The following DHX40 variants were observed in gnomAD, a reference collection of about 807,000 sequenced individuals.
DHX40 encodes the protein DEAH-box helicase 40, also known as probable ATP-dependent RNA helicase DHX40.
A neutral mutation model predicts 89.6 loss-of-function variants in DHX40; 28 were observed. The ratio of observed to expected loss-of-function variants is 0.31; its 90% CI spans 0.23 to 0.43. The LOEUF (loss-of-function observed/expected upper bound fraction) is 0.43, where lower values mean the gene tolerates loss of function less well. Ranked by LOEUF, DHX40 falls within the 20% of genes least tolerant of loss-of-function variation. The pLI, the probability that DHX40 is intolerant of heterozygous loss-of-function variation, is 1.00. For synonymous variants in DHX40, 226 were observed against 283.6 expected (o/e 0.80, Z 2.04); for missense variants, 457 against 844.0 (o/e 0.54, Z 5.68).
chr17:59,570,943 C>T (rs561820028), intron 3 of DHX40, among the ~76,000 whole-genome samples: 8 of 152,126 alleles, frequency 5.3e-5, no homozygotes, highest in Non-Finnish European at 8.8e-5. Flanking sequence ...TTTTGTTGTT[C>T]ATTGTTAATG....
In DHX40 at chr17:59,607,050, G is replaced by A. The variant is rs746504742; in HGVS notation, c.2218G>A (p.Val740Ile). Residue 740 changes from valine to isoleucine, a missense_variant, in exon 18 of 18, where the codon GTC becomes ATC. This residue lies in a region of DHX40 where 120 missense variants were observed against 161.7 expected (regional missense o/e 0.74). Transcript: ENST00000251241. ...GTTTTCAGATGGAATATCGAAAGACGTCTTAAAGAAAATGCAAAGAAGAAA... is the reference window on the plus strand; with the variant it reads ...GTTTTCAGATGGAATATCGAAAGACATCTTAAAGAAAATGCAAAGAAGAAA... ...KQLKDGISKD[V>I]LKKMQRRNDD... The A allele has an allele frequency of 3.1e-5, 50 of 1,613,532 alleles. No homozygotes were observed. The highest frequency in any genetic ancestry group is 6.7e-5 in the East Asian group (3 of 44,890).
At chr17:59,567,492 C>T (rs1011484551) in intron 2 of DHX40, among the ~76,000 whole-genome samples, 20 of 152,344 alleles carry the variant, frequency 1.3e-4, no homozygotes, top group Admixed American at 3.3e-4. Flanking sequence ...GAGCAATCTG[C>T]TTTTTGTTTT....
chr17:59,576,892 T>A (rs2048890368), intron 7 of DHX40, among the ~76,000 whole-genome samples: 1 of 151,560 alleles, frequency 6.6e-6, no homozygotes, highest in African/African-American at 2.4e-5. Context: ...TTTTTTGAGA[T>A]GGAGTCTCGC....
rs1217247158 is a variant in DHX40, at chr17:59,591,330, TAAAC to T, written c.1582+3280_1582+3283del. 1.1e-4 allele frequency among the ~76,000 whole-genome samples: 15 copies of T among 142,566 alleles called. 1 individual carries two copies. Among genetic ancestry groups the T allele is most frequent in the Non-Finnish European group, 2.1e-4 (13 of 62,272 alleles). The allele number at this position is 142,566 out of a possible 152,430, so 93.5% of individuals were successfully genotyped here. ...CAAAAAGAAAAAAGAAAGAAAGAAA[TAAAC>T]AAGCTAAAATATTTCAAAACCTATT... On this transcript the variant is annotated intron_variant, in intron 12 of 17. Transcript: ENST00000251241.
In DHX40 at chr17:59,607,454, T is replaced by G. The variant is rs1371118993; in HGVS notation, c.*282T>G. 1.0e-5 allele frequency: 6 copies of G among 601,996 alleles called. No homozygotes were observed. The highest frequency in any genetic ancestry group is 1.8e-5 in the Non-Finnish European group (6 of 342,800). 37.3% of individuals were successfully genotyped at this position (601,996 alleles called of 1,614,324 possible). A position where few individuals can be genotyped will look rare whatever the true frequency, so the allele number is the denominator to read the frequency against. ...TTTCCTCAGTACAATTTTGCTGGCC[T>G]TAACTGGTATCAAACGCTGTCATTG... On this transcript the variant is annotated 3_prime_UTR_variant, in exon 18 of 18. Coordinates refer to ENST00000251241, the MANE Select transcript of DHX40 (RefSeq NM_024612.5).
At chr17:59,585,669 T>A (rs1460234360) in intron 10 of DHX40, among the ~76,000 whole-genome samples, 1 of 150,098 alleles carries the variant, frequency 6.7e-6, no homozygotes, top group Non-Finnish European at 1.5e-5. Context: ...GTTGCAGTGA[T>A]CAGAGATCGT....
In DHX40 at chr17:59,565,662, G is replaced by T. The variant is rs747471097; in HGVS notation, c.-10G>T. 1 of 1,598,212 alleles carries T rather than the reference G, an allele frequency of 6.3e-7. No homozygotes were observed. The highest frequency in any genetic ancestry group is 2.2e-5 in the East Asian group (1 of 44,796). On this transcript the variant is annotated 5_prime_UTR_variant, in exon 1 of 18. Coordinates refer to ENST00000251241, the MANE Select transcript of DHX40 (RefSeq NM_024612.5). Reference sequence around the variant, plus strand: ...GGTGGACGTGCTCGCCTCCACTCGGGGCCAGGTCTATGTCCCGGTTTCCCG... The same window carrying T: ...GGTGGACGTGCTCGCCTCCACTCGGTGCCAGGTCTATGTCCCGGTTTCCCG...
intron 12 of DHX40, among the ~76,000 whole-genome samples, chr17:59,589,371 G>A (rs537978037): frequency 0.017 from 2,626 of 151,530 alleles, 81 homozygotes; most frequent in African/African-American, 0.059. Context: ...ACAGGCGCCC[G>A]CCACAACGCC....
chr17:59,570,164 TATG>T (rs1438120323), intron 2 of DHX40, among the ~76,000 whole-genome samples: 1 of 126,012 alleles, frequency 7.9e-6, no homozygotes, highest in Non-Finnish European at 1.6e-5. Context: ...ATACATATAA[TATG>T]TTATATATTA....
chr17:59,576,492 A>G (rs1460607236), intron 7 of DHX40, among the ~76,000 whole-genome samples: 3 of 152,152 alleles, frequency 2.0e-5, no homozygotes, highest in Non-Finnish European at 4.4e-5. Context: ...TGATTGGGTG[A>G]TTCTTATCCC....
chr17:59,565,758 C>G lies in DHX40; in HGVS notation c.87C>G (p.Leu29=), dbSNP rs16943678. The change falls in exon 1 of 18, where the codon CTC becomes CTG. Residue 29 remains leucine, a synonymous_variant. Transcript: ENST00000251241. The part of the protein sequence containing the change: ...ERSRDLQEER[L]SAVCIADREE... ...CAAGAGACCTCCAGGAAGAGCGGCT[C>G]TCGGCTGTTTGCATCGCCGATAGAG... 2.6e-3 allele frequency: 4,209 copies of G among 1,604,732 alleles called. 83 individuals are homozygous for G. In the African/African-American group the frequency reaches 0.048, roughly 18 times the overall value.
Position 59,581,862 on chromosome 17 carries a change from G to C in DHX40, c.1343+1983G>C, listed in dbSNP as rs1260206748. 1.6e-5 allele frequency among the ~76,000 whole-genome samples: 2 copies of C among 122,684 alleles called. 1 individual carries two copies. Among genetic ancestry groups the C allele is most frequent in the Non-Finnish European group, 3.2e-5 (2 of 62,494 alleles). 80.5% of individuals were successfully genotyped at this position (122,684 alleles called of 152,430 possible). A position where few individuals can be genotyped will look rare whatever the true frequency, so the allele number is the denominator to read the frequency against. ...CAATTTGCCAATTTCAAAATGTTTT[G>C]ATAGTTATCATTAGATTAGAGATTT... On this transcript the variant is annotated intron_variant, in intron 10 of 17. Coordinates refer to ENST00000251241, the MANE Select transcript of DHX40 (RefSeq NM_024612.5).
In DHX40 at chr17:59,605,611, C is replaced by T. The variant is rs141945224; in HGVS notation, c.2137C>T (p.Arg713Cys). The change falls in exon 17 of 18, where the codon CGT becomes TGT. Residue 713 changes from arginine to cysteine, a missense_variant. Coordinates refer to ENST00000251241, the MANE Select transcript of DHX40 (RefSeq NM_024612.5). ...NAHDLSSVAR[R>C]EVREDARRRW... is the part of the protein sequence containing the mutation. The stretch of plus-strand genomic sequence containing the variant: ...ACATGATTTGAGCAGTGTGGCCCGA[C>T]GTGAAGTGAGAGAAGATGCAAGAAG... 3.2e-4 allele frequency: 515 copies of T among 1,613,774 alleles called. No homozygotes were observed. The highest frequency in any genetic ancestry group is 4.0e-4 in the Non-Finnish European group (467 of 1,179,998).
chr17:59,587,867 A>G (rs764065013), intron 11 of DHX40, 29 bp from the exon 12 acceptor site: 15 of 1,582,854 alleles, frequency 9.5e-6, no homozygotes, highest in Non-Finnish European at 1.7e-6. Flanking sequence ...TAGTGTAGAA[A>G]GACTTACAAA....
At chr17:59,604,045 A>T (rs1187032827) in intron 15 of DHX40, 9 of 152,214 alleles carry the variant, frequency 5.9e-5, no homozygotes, top group African/African-American at 2.2e-4. Context: ...AATAAAGGCA[A>T]TGTATGATTC....
chr17:59,586,426 G>T (rs2048997890), intron 11 of DHX40, among the ~76,000 whole-genome samples, 193 bp downstream of exon 11: 1 of 152,038 alleles, frequency 6.6e-6, no homozygotes, highest in Non-Finnish European at 1.5e-5. Flanking sequence ...ACTTTGGGAG[G>T]CCGAGGTCGG....
intron 15 of DHX40, chr17:59,603,474 C>T (rs2030660880): frequency 6.6e-6 from 1 of 152,004 alleles, no homozygotes; most frequent in Admixed American, 6.6e-5. Flanking sequence ...CTTATTTTGC[C>T]AGCAAGTAAA....
intron 12 of DHX40, among the ~76,000 whole-genome samples, chr17:59,596,598 C>T (rs1324450061): frequency 6.6e-6 from 1 of 152,022 alleles, no homozygotes; most frequent in Non-Finnish European, 1.5e-5. Flanking sequence ...ATTAGTCTCC[C>T]GGAGCAGTTC....
chr17:59,572,971 A>T, intron 3 of DHX40, 145 bp from the exon 4 acceptor site: 1 of 793,892 alleles, frequency 1.3e-6, no homozygotes, highest in Non-Finnish European at 1.9e-6. Context: ...ACTTACCATC[A>T]TTTTGTATAC....
Sources: gnomAD v4.1 joint callset for allele counts (sites outside exome capture counted in the v4.1 genomes callset) on GRCh38, gnomAD v4.1.1 for gene constraint, gnomAD v4.1.1 regional missense constraint, MANE v1.5 for transcripts, NCBI Gene and HGNC (gene_info 2026-07-23, HGNC 2026-07-21) for gene names.